ATRNL1: variants seen among roughly 807,000 people sequenced by gnomAD.
ATRNL1 encodes the protein attractin like 1, also known as attractin-like protein 1.
A neutral mutation model predicts 182.7 loss-of-function variants in ATRNL1; 95 were observed. That is an observed-to-expected ratio of 0.52 (90% CI 0.44 to 0.62). ATRNL1 has a LOEUF of 0.62. ATRNL1 is among the 20% of genes least tolerant of loss of function. ATRNL1 has a pLI of 0.00. For missense variants in ATRNL1, 1,471 were observed against 1,679.5 expected (o/e 0.88, Z 2.17); for synonymous variants, 576 against 568.3 (o/e 1.01, Z -0.19).
chr10:115,187,670 GTTTTTTT>G (rs557762991), intron 8 of ATRNL1, among the ~76,000 whole-genome samples: 1 of 111,864 alleles, frequency 8.9e-6, no homozygotes, highest in Admixed American at 9.7e-5. Context: ...AGGGTGCTTG[GTTTTTTT>G]TTTTTTTTTT....
chr10:115,902,788 G>A (rs1382585440), intron 28 of ATRNL1, among the ~76,000 whole-genome samples: 1 of 152,194 alleles, frequency 6.6e-6, no homozygotes, highest in African/African-American at 2.4e-5. Flanking sequence ...CTTACAGGAG[G>A]AACTCAGCAA....
At chr10:115,310,589 AT>A (rs372772244) in intron 17 of ATRNL1, among the ~76,000 whole-genome samples, 6 of 152,108 alleles carry the variant, frequency 3.9e-5, no homozygotes, top group African/African-American at 1.4e-4. Flanking sequence ...GAATTTTTCC[AT>A]TTCCACTAGA....
chr10:115,338,973 G>A (rs1855617121), intron 19 of ATRNL1, among the ~76,000 whole-genome samples: 2 of 152,116 alleles, frequency 1.3e-5, no homozygotes, highest in Admixed American at 6.5e-5. Flanking sequence ...ATTTATTGAA[G>A]AATCTGTCTT....
intron 26 of ATRNL1, among the ~76,000 whole-genome samples, chr10:115,676,609 A>G (rs1008095887): frequency 6.6e-6 from 1 of 151,652 alleles, no homozygotes; most frequent in African/African-American, 2.4e-5. Flanking sequence ...TTTATGATTC[A>G]GTAAGTATGC....
intron 19 of ATRNL1, among the ~76,000 whole-genome samples, chr10:115,352,871 C>G (rs1856325657): frequency 6.6e-6 from 1 of 152,112 alleles, no homozygotes; most frequent in Non-Finnish European, 1.5e-5. Context: ...CCATTGCACT[C>G]CAGCCTGGGC....
At chr10:115,195,912 A>C (rs2144266319) in intron 8 of ATRNL1, among the ~76,000 whole-genome samples, 1 of 152,176 alleles carries the variant, frequency 6.6e-6, no homozygotes, top group South Asian at 2.1e-4. Flanking sequence ...GTTTTCTAGG[A>C]GATGTTTTAT....
At chr10:115,336,792 G>A (rs1554936828) in intron 19 of ATRNL1, among the ~76,000 whole-genome samples, 2 of 151,842 alleles carry the variant, frequency 1.3e-5, no homozygotes, top group Admixed American at 6.6e-5. Flanking sequence ...TTAGCAAAGT[G>A]AAACCCACAT....
At chr10:115,539,412 G>A (rs1565147568) in intron 25 of ATRNL1, among the ~76,000 whole-genome samples, 3 of 152,182 alleles carry the variant, frequency 2.0e-5, no homozygotes, top group Non-Finnish European at 4.4e-5. Flanking sequence ...TTCATGGGCA[G>A]CTATTTGGTA....
intron 7 of ATRNL1, among the ~76,000 whole-genome samples, chr10:115,165,863 G>A (rs1847016253): frequency 6.6e-6 from 1 of 152,008 alleles, no homozygotes; most frequent in African/African-American, 2.4e-5. Flanking sequence ...TGAAGATTGA[G>A]TTTTTGTCTA....
At chr10:115,474,572 G>A (rs1193273442) in intron 24 of ATRNL1, among the ~76,000 whole-genome samples, 2 of 151,028 alleles carry the variant, frequency 1.3e-5, no homozygotes, top group Non-Finnish European at 3.0e-5. Context: ...AATAGAGCAG[G>A]GATGGAAGGG....
intron 26 of ATRNL1, among the ~76,000 whole-genome samples, chr10:115,553,471 A>T (rs1369599593): frequency 4.0e-5 from 6 of 151,318 alleles, no homozygotes; most frequent in African/African-American, 9.7e-5. Flanking sequence ...ACTTTTTAAT[A>T]TTTCTCACAT....
intron 8 of ATRNL1, among the ~76,000 whole-genome samples, chr10:115,203,117 A>C (rs149069870): frequency 0.012 from 1,775 of 152,254 alleles, 13 homozygotes; most frequent in Middle Eastern, 0.017. Context: ...GTATGAAATG[A>C]TTGTATTTTA....
intron 5 of ATRNL1, among the ~76,000 whole-genome samples, chr10:115,140,972 AAGTC>A (rs1554877865): frequency 6.6e-6 from 1 of 152,118 alleles, no homozygotes. Context: ...TTCATATTCT[AAGTC>A]CAGGTCAGAT....
At chr10:115,248,713 A>G (rs577634442) in intron 10 of ATRNL1, among the ~76,000 whole-genome samples, 1 of 152,146 alleles carries the variant, frequency 6.6e-6, no homozygotes, top group African/African-American at 2.4e-5. Context: ...GAATGAGTTA[A>G]CCTAGAGTAA....
intron 1 of ATRNL1, among the ~76,000 whole-genome samples, chr10:115,105,388 T>C (rs1375837554): frequency 6.6e-6 from 1 of 152,134 alleles, no homozygotes; most frequent in Non-Finnish European, 1.5e-5. Context: ...GCATAAAAAT[T>C]TGGGAAATGT....
chr10:115,546,008 G>C (rs1398755452), intron 25 of ATRNL1, among the ~76,000 whole-genome samples: 18 of 152,162 alleles, frequency 1.2e-4, no homozygotes, highest in African/African-American at 4.3e-4. Flanking sequence ...ATGACAGTAT[G>C]CTTGATCTAT....
chr10:115,377,368 A>G (rs1448480148), intron 19 of ATRNL1, among the ~76,000 whole-genome samples: 2 of 152,168 alleles, frequency 1.3e-5, no homozygotes, highest in Admixed American at 1.3e-4. Context: ...TTCCACCATG[A>G]TAATGAGGCC....
At chr10:115,760,031 G>C (rs190070385) in intron 27 of ATRNL1, among the ~76,000 whole-genome samples, 74 of 151,246 alleles carry the variant, frequency 4.9e-4, no homozygotes, top group African/African-American at 1.8e-3. Flanking sequence ...ACTTTACATT[G>C]ATCTGATAAA....
At chr10:115,525,222 G>C (rs1028270158) in intron 25 of ATRNL1, among the ~76,000 whole-genome samples, 19 of 152,062 alleles carry the variant, frequency 1.2e-4, no homozygotes, top group African/African-American at 4.3e-4. Context: ...TACCACTGTT[G>C]GCTGCCCACC....
Sources: gnomAD v4.1 joint callset for allele counts (sites outside exome capture counted in the v4.1 genomes callset) on GRCh38, gnomAD v4.1.1 for gene constraint, MANE v1.5 for transcripts, NCBI Gene and HGNC (gene_info 2026-07-23, HGNC 2026-07-21) for gene names.